The following RTN1 variants were observed in gnomAD, a reference collection of about 807,000 sequenced individuals.
The protein encoded by RTN1 is reticulon-1.
A neutral mutation model predicts 65.5 loss-of-function variants in RTN1; 25 were observed. The ratio of observed to expected loss-of-function variants is 0.38; its 90% CI spans 0.28 to 0.53. The LOEUF (loss-of-function observed/expected upper bound fraction) is 0.53, where lower values mean the gene tolerates loss of function less well. Ranked by LOEUF, RTN1 falls within the 20% of genes least tolerant of loss-of-function variation. The pLI is 0.79. For synonymous variants in RTN1, 471 were observed against 447.6 expected (o/e 1.05, Z -0.66); for missense variants, 983 against 1,025.4 (o/e 0.96, Z 0.57).
intron 1 of RTN1, among the ~76,000 whole-genome samples, chr14:59,763,660 G>A (rs1017782545): frequency 1.4e-4 from 21 of 151,224 alleles, no homozygotes; most frequent in Admixed American, 1.3e-3. Context: ...AGCCTCCTGA[G>A]TACCTGGGAC....
intron 1 of RTN1, among the ~76,000 whole-genome samples, chr14:59,848,932 C>G (rs1254134871): frequency 2.0e-5 from 3 of 148,470 alleles, no homozygotes; most frequent in African/African-American, 7.3e-5. Context: ...CCTTAGCTAT[C>G]TATTTCAATA....
At chr14:59,831,774 A>G (rs1427350164) in intron 1 of RTN1, among the ~76,000 whole-genome samples, 1 of 152,002 alleles carries the variant, frequency 6.6e-6, no homozygotes, top group Non-Finnish European at 1.5e-5. Context: ...ATATATATAT[A>G]CATCCTATTG....
At chr14:59,688,068 CCTGAG>C (rs1883885321) in intron 3 of RTN1, among the ~76,000 whole-genome samples, 1 of 152,080 alleles carries the variant, frequency 6.6e-6, no homozygotes, top group Non-Finnish European at 1.5e-5. Context: ...AGAACAGAAG[CCTGAG>C]CTGCCCCACT....
At chr14:59,609,834 G>A (rs1386910248) in intron 3 of RTN1, among the ~76,000 whole-genome samples, 1 of 152,182 alleles carries the variant, frequency 6.6e-6, no homozygotes, top group Non-Finnish European at 1.5e-5. Context: ...TTGTGCTGGA[G>A]GTGGGGATAT....
chr14:59,827,832 T>C lies in RTN1; in HGVS notation c.241+42558A>G, dbSNP rs373277954. Among the ~76,000 whole-genome samples, 11 of 151,570 alleles carry C rather than the reference T, an allele frequency of 7.3e-5. No individual in the cohort carries two copies. In the East Asian group the frequency reaches 1.5e-3, roughly 21 times the overall value. ...CAAACTCTCCTATTTTCACTCTGGATATATCTGCATTCAGGGCAAGTCTTT... is the reference window on the plus strand; with the variant it reads ...CAAACTCTCCTATTTTCACTCTGGACATATCTGCATTCAGGGCAAGTCTTT... On this transcript the variant is annotated intron_variant, in intron 1 of 8. Coordinates refer to ENST00000267484, the MANE Select transcript of RTN1 (RefSeq NM_021136.3).
intron 3 of RTN1, among the ~76,000 whole-genome samples, chr14:59,723,305 G>A (rs984274546): frequency 5.9e-5 from 9 of 151,902 alleles, no homozygotes; most frequent in African/African-American, 1.2e-4. Flanking sequence ...TACTGCCATC[G>A]TCTAAAACCC....
rs563168965 is a variant in RTN1 at position 59,794,061 on chromosome 14, T to C, written c.242-47580A>G. Among the ~76,000 whole-genome samples, 4 of 152,286 alleles carry C rather than the reference T, an allele frequency of 2.6e-5. No homozygotes were observed. Among genetic ancestry groups the C allele is most frequent in the African/African-American group, 9.6e-5 (4 of 41,552 alleles). ...CATGAATCTTGAGTTAGACTGACCCTTCCTCCAGTCCTAGTGATGCTGACT... is the reference window on the plus strand; with the variant it reads ...CATGAATCTTGAGTTAGACTGACCCCTCCTCCAGTCCTAGTGATGCTGACT... On this transcript the variant is annotated intron_variant, in intron 1 of 8. Coordinates refer to ENST00000267484, the MANE Select transcript of RTN1 (RefSeq NM_021136.3). The surrounding 1 kb of genome is among the most constrained non-coding windows in gnomAD (Gnocchi z 5.1).
chr14:59,851,917 C>G (rs372103439), intron 1 of RTN1, among the ~76,000 whole-genome samples: 3 of 151,140 alleles, frequency 2.0e-5, no homozygotes, highest in African/African-American at 7.3e-5. Flanking sequence ...TGCAAACATC[C>G]AAACTGTAAA....
intron 3 of RTN1, among the ~76,000 whole-genome samples, chr14:59,656,150 C>G (rs145976839): frequency 1.1e-4 from 17 of 151,834 alleles, no homozygotes; most frequent in African/African-American, 3.4e-4. Flanking sequence ...TATGATTCCA[C>G]TTATATGAAA....
At chr14:59,725,660 G>GCC (rs948234741) in intron 3 of RTN1, among the ~76,000 whole-genome samples, 1 of 152,114 alleles carries the variant, frequency 6.6e-6, no homozygotes, top group African/African-American at 2.4e-5. Flanking sequence ...AATTATATCA[G>GCC]CCCCCACACC....
intron 3 of RTN1, among the ~76,000 whole-genome samples, chr14:59,657,302 G>A (rs186574285): frequency 6.6e-6 from 1 of 152,240 alleles, no homozygotes; most frequent in East Asian, 1.9e-4. Context: ...ACAGCTACTG[G>A]GGAAGCCGAG....
At chr14:59,780,797 T>C (rs994328797) in intron 1 of RTN1, among the ~76,000 whole-genome samples, 3 of 152,204 alleles carry the variant, frequency 2.0e-5, no homozygotes, top group Admixed American at 6.5e-5. Flanking sequence ...CAAGGAAATA[T>C]AGGAAGGTGC....
Position 59,868,038 on chromosome 14 carries a change from A to AG in RTN1, c.241+2351dup, listed in dbSNP as rs1887828248. ...TACAGTGTAAAGTAGTGTGCTTAAT[A>AG]GGCATCTCTGATACAATTGAGGGCT... is the stretch of plus-strand genomic sequence containing the variant. On this transcript the variant is annotated intron_variant, in intron 1 of 8. Transcript: ENST00000267484. The surrounding 1 kb of genome is among the most constrained non-coding windows in gnomAD (Gnocchi z 4.0). 1.3e-5 allele frequency among the ~76,000 whole-genome samples: 2 copies of AG among 152,252 alleles called. No individual in the cohort carries two copies. Among genetic ancestry groups the AG allele is most frequent in the Non-Finnish European group, 2.9e-5 (2 of 68,046 alleles).
rs905840675 is a variant in RTN1, at chr14:59,665,846, G to A, written c.1766-58354C>T. Among the ~76,000 whole-genome samples the A allele has an allele frequency of 3.3e-5, 5 of 152,232 alleles. No individual in the cohort carries two copies. The East Asian group carries it at 7.7e-4, about 23-fold the overall frequency. On this transcript the variant is annotated intron_variant, in intron 3 of 8. Coordinates refer to ENST00000267484, the MANE Select transcript of RTN1 (RefSeq NM_021136.3). ...ACAAAGATCAAAAGAGACAAAGAAG[G>A]CCATTATATAATGGTAAAGGGATCA...
At chr14:59,633,193 A>T (rs1467660665) in intron 3 of RTN1, among the ~76,000 whole-genome samples, 1 of 152,198 alleles carries the variant, frequency 6.6e-6, no homozygotes, top group Non-Finnish European at 1.5e-5. Flanking sequence ...GGCACACAAA[A>T]ATCCACTCTA....
intron 1 of RTN1, among the ~76,000 whole-genome samples, chr14:59,799,422 A>G (rs1299136098): frequency 1.3e-5 from 2 of 152,212 alleles, no homozygotes; most frequent in South Asian, 2.1e-4. Context: ...GGGCCATCAG[A>G]GAGTTGAGGT....
chr14:59,621,304 G>A (rs769559029), intron 3 of RTN1, among the ~76,000 whole-genome samples: 7 of 152,166 alleles, frequency 4.6e-5, no homozygotes, highest in Non-Finnish European at 8.8e-5. Flanking sequence ...AAAGCCAGGC[G>A]AGAGTTTCAA....
Position 59,846,701 on chromosome 14 carries a change from G to A in RTN1, c.241+23689C>T, listed in dbSNP as rs1887417635. Among the ~76,000 whole-genome samples the A allele has an allele frequency of 6.6e-6, 1 of 152,148 alleles. No individual in the cohort carries two copies. The highest frequency in any genetic ancestry group is 1.5e-5 in the Non-Finnish European group (1 of 68,034). On this transcript the variant is annotated intron_variant, in intron 1 of 8. Transcript: ENST00000267484. This position sits in a 1 kb window ranked among gnomAD's most constrained non-coding sequence, Gnocchi z 4.8. The stretch of plus-strand genomic sequence containing the variant: ...ATACATTTATTTGTAATAAAACAGT[G>A]TTTTGAATGGCTTACTACTGGAGAA...
At chr14:59,815,287 T>C (rs1419896664) in intron 1 of RTN1, among the ~76,000 whole-genome samples, 6 of 152,202 alleles carry the variant, frequency 3.9e-5, no homozygotes, top group East Asian at 3.9e-4. Flanking sequence ...TGGAAGGTGA[T>C]AGCACTGGAA....
Sources: gnomAD v4.1 joint callset for allele counts (sites outside exome capture counted in the v4.1 genomes callset) on GRCh38, gnomAD v4.1.1 for gene constraint, Gnocchi (gnomAD v3.1) non-coding constraint, MANE v1.5 for transcripts, NCBI Gene and HGNC (gene_info 2026-07-23, HGNC 2026-07-21) for gene names.